Variants in LRP1B observed in about 807,000 individuals in gnomAD.
The protein encoded by LRP1B is LDL receptor related protein 1B.
In LRP1B, 217 loss-of-function variants were observed where a neutral mutation model predicts 556.6. The ratio of observed to expected loss-of-function variants is 0.39; its 90% CI spans 0.35 to 0.44. The LOEUF (loss-of-function observed/expected upper bound fraction) is 0.44, where lower values mean the gene tolerates loss of function less well. LRP1B is among the 20% of genes least tolerant of loss of function. The pLI, the probability that LRP1B is intolerant of heterozygous loss-of-function variation, is 1.00. For synonymous variants in LRP1B, 2,047 were observed against 1,865.8 expected (o/e 1.10, Z -2.50); for missense variants, 5,053 against 5,620.8 (o/e 0.90, Z 3.23).
intron 3 of LRP1B, among the ~76,000 whole-genome samples, chr2:141,453,860 C>T (rs1006579257): frequency 2.6e-4 from 39 of 150,682 alleles, no homozygotes; most frequent in South Asian, 4.2e-4. Flanking sequence ...TTTCAGTGAG[C>T]TGAGATCCCA....
intron 63 of LRP1B, among the ~76,000 whole-genome samples, chr2:140,449,348 A>G (rs1434918351): frequency 6.6e-6 from 1 of 152,174 alleles, no homozygotes. Flanking sequence ...TAAGGTCACC[A>G]AAATAATTTA....
At chr2:142,105,095 A>G (rs978063900) in intron 1 of LRP1B, among the ~76,000 whole-genome samples, 7 of 152,182 alleles carry the variant, frequency 4.6e-5, no homozygotes, top group African/African-American at 1.4e-4. Context: ...GCTGATGTGC[A>G]TCATTGGCTG....
At chr2:141,474,055 T>TCCTC (rs796995879) in intron 3 of LRP1B, among the ~76,000 whole-genome samples, 1 of 126,906 alleles carries the variant, frequency 7.9e-6, no homozygotes, top group Non-Finnish European at 1.6e-5. Flanking sequence ...TTTCCTTCCT[T>TCCTC]CCTCCCTCCC....
At position 142,115,810 on chromosome 2, in the gene LRP1B, C is replaced by CATATATATGTAATATATATG. The variant is rs1707241099; in HGVS notation, c.82+14837_82+14838insCATATATATTACATATATAT. Among the ~76,000 whole-genome samples, 2 of 4,280 alleles carry CATATATATGTAATATATATG rather than the reference C, an allele frequency of 4.7e-4. 1 individual carries two copies. The highest frequency in any genetic ancestry group is 7.7e-4 in the Non-Finnish European group (2 of 2,590). The allele number at this position is 4,280 out of a possible 152,430, so 2.8% of individuals were successfully genotyped here. ...TATATCATATATATGTAATATATAT[C>CATATATATGTAATATATATG]ATATATATGTAATATATATCATATA... On this transcript the variant is annotated intron_variant, in intron 1 of 90. Coordinates refer to ENST00000389484, the MANE Select transcript of LRP1B (RefSeq NM_018557.3).
intron 20 of LRP1B, among the ~76,000 whole-genome samples, chr2:140,926,086 C>T (rs1573886936): frequency 6.9e-6 from 1 of 144,176 alleles, no homozygotes; most frequent in African/African-American, 2.6e-5. Flanking sequence ...TCTTAAGCTA[C>T]CCATGTCTGA....
chr2:141,360,593 T>C (rs1688786878), intron 3 of LRP1B, among the ~76,000 whole-genome samples: 1 of 152,150 alleles, frequency 6.6e-6, no homozygotes, highest in Non-Finnish European at 1.5e-5. Context: ...AATGTAAAGG[T>C]GGTGTAACTG....
In LRP1B at chr2:141,599,061, C is replaced by CAT. The variant is rs1559166964; in HGVS notation, c.206-118529_206-118528insAT. 4.3e-5 allele frequency among the ~76,000 whole-genome samples: 3 copies of CAT among 70,466 alleles called. 1 individual carries two copies. Among genetic ancestry groups the CAT allele is most frequent in the Non-Finnish European group, 8.1e-5 (3 of 36,912 alleles). 46.2% of individuals were successfully genotyped at this position (70,466 alleles called of 152,430 possible). On this transcript the variant is annotated intron_variant, in intron 2 of 90. Transcript: ENST00000389484. ...TTGTTCAACTCCCCCCCGCCCCCCC[C>CAT]CCCCCCCCCCCCCGCTTTAACTCTC...
chr2:140,307,051 C>G (rs1373305542), intron 83 of LRP1B, among the ~76,000 whole-genome samples: 2 of 151,834 alleles, frequency 1.3e-5, no homozygotes, highest in Non-Finnish European at 2.9e-5. Flanking sequence ...TCACATGTCC[C>G]TTACATAGCA....
At chr2:141,102,520 GA>G (rs1194904945) in intron 7 of LRP1B, among the ~76,000 whole-genome samples, 1 of 152,046 alleles carries the variant, frequency 6.6e-6, no homozygotes, top group Non-Finnish European at 1.5e-5. Context: ...ATGATAGAAT[GA>G]GCTCAGAAAT....
At chr2:141,616,817 T>C (rs1688316758) in intron 2 of LRP1B, among the ~76,000 whole-genome samples, 1 of 152,230 alleles carries the variant, frequency 6.6e-6, no homozygotes, top group Non-Finnish European at 1.5e-5. Context: ...ACAATCACTC[T>C]TTACTGTTTT....
chr2:140,277,494 G>A (rs1245186163), intron 84 of LRP1B, among the ~76,000 whole-genome samples: 1 of 151,916 alleles, frequency 6.6e-6, no homozygotes, highest in Non-Finnish European at 1.5e-5. Flanking sequence ...AGCTGAGGCA[G>A]GAGAATCGCT....
chr2:140,604,568 T>C (rs1014430552), intron 41 of LRP1B, among the ~76,000 whole-genome samples: 1 of 152,132 alleles, frequency 6.6e-6, no homozygotes, highest in Non-Finnish European at 1.5e-5. Context: ...GTCTGCACAT[T>C]GTCTTAAAGA....
intron 3 of LRP1B, among the ~76,000 whole-genome samples, chr2:141,312,767 C>A (rs532650150): frequency 2.0e-5 from 3 of 152,046 alleles, no homozygotes; most frequent in African/African-American, 7.2e-5. Context: ...CCACTCACTG[C>A]AGCCTCTGCC....
chr2:141,620,365 T>A (rs1688458105), intron 2 of LRP1B, among the ~76,000 whole-genome samples: 1 of 152,242 alleles, frequency 6.6e-6, no homozygotes, highest in South Asian at 2.1e-4. Context: ...ACAAAACCAT[T>A]ACATAGCTTT....
intron 20 of LRP1B, among the ~76,000 whole-genome samples, chr2:140,935,121 G>A (rs867871013): frequency 6.6e-6 from 1 of 152,016 alleles, no homozygotes; most frequent in South Asian, 2.1e-4. Flanking sequence ...CACAAGGCAT[G>A]CAAAGAAGAG....
Position 141,516,185 on chromosome 2 carries a change from T to C in LRP1B, c.206-35652A>G, listed in dbSNP as rs116394798. Among the ~76,000 whole-genome samples, 1,012 of 152,286 alleles carry C rather than the reference T, an allele frequency of 6.6e-3. 9 individuals carry two copies. Among genetic ancestry groups the C allele is most frequent in the African/African-American group, 0.024 (977 of 41,568 alleles). On this transcript the variant is annotated intron_variant, in intron 2 of 90. Coordinates refer to ENST00000389484, the MANE Select transcript of LRP1B (RefSeq NM_018557.3). Reference sequence around the variant, plus strand: ...ATTTCTATGATTTGGCTTCAGGAATTTCTCAAAGGTTACAAGAGCCTTCAG... The same window carrying C: ...ATTTCTATGATTTGGCTTCAGGAATCTCTCAAAGGTTACAAGAGCCTTCAG...
intron 1 of LRP1B, among the ~76,000 whole-genome samples, chr2:141,986,194 C>T (rs908687610): frequency 2.6e-5 from 4 of 151,678 alleles, no homozygotes; most frequent in Admixed American, 6.6e-5. Flanking sequence ...GTGATGTGTT[C>T]GTACAATATG....
chr2:140,499,892 G>T (rs146750242), intron 55 of LRP1B, among the ~76,000 whole-genome samples: 204 of 151,820 alleles, frequency 1.3e-3, no homozygotes, highest in African/African-American at 4.6e-3. Context: ...TATTTGTAAT[G>T]GTATGACTTA....
chr2:140,336,106 G>A (rs1316352733), intron 77 of LRP1B, among the ~76,000 whole-genome samples: 2 of 151,870 alleles, frequency 1.3e-5, no homozygotes, highest in East Asian at 3.9e-4. Context: ...ACCATAGGAG[G>A]TTCACCCGTG....
Sources: allele counts gnomAD v4.1 joint callset (sites outside exome capture counted in the v4.1 genomes callset), GRCh38; gene constraint gnomAD v4.1.1; transcripts MANE v1.5; gene names NCBI Gene and HGNC (gene_info 2026-07-23, HGNC 2026-07-21).